The following GNL3L variants were observed in gnomAD, a reference collection of about 807,000 sequenced individuals.
GNL3L encodes the protein guanine nucleotide-binding protein-like 3-like protein.
GNL3L carries 4 observed loss-of-function variants against 42.9 expected under a neutral mutation model. The observed-to-expected ratio is 0.09, with a 90% CI of 0.05 to 0.21. The LOEUF (loss-of-function observed/expected upper bound fraction) is 0.21. Ranked by LOEUF, GNL3L falls within the 10% of genes least tolerant of loss-of-function variation. GNL3L has a pLI of 1.00. For missense variants in GNL3L, 412 were observed against 481.7 expected, an observed-to-expected ratio of 0.86 and a Z score of 1.36; for synonymous variants, 159 against 176.3, an observed-to-expected ratio of 0.90 and a Z score of 0.78.
At chrX:54,587,773 C>T (rs1273434518) in intron 16 of GNL3L, among the ~76,000 whole-genome samples, 4 of 109,552 alleles carry the variant, frequency 3.7e-5, no homozygotes, top group East Asian at 2.9e-4. Context: ...CTCTGCCTCT[C>T]GGGTTCAAGC....
Position 54,558,424 on chromosome X carries a change from G to A in GNL3L, c.1447-12G>A, listed in dbSNP as rs751143951. The A allele has an allele frequency of 7.0e-6, 8 of 1,142,815 alleles. No individual in the cohort carries two copies. The highest frequency in any genetic ancestry group is 2.5e-4 in the Middle Eastern group (1 of 4,018). The allele number at this position is 1,142,815 out of a possible 1,213,427, so 94.2% of individuals were successfully genotyped here. ...TTAAGACCTCATCGTTATGTTTTCT[G>A]TCTCTTCCTAGATTGGAGATCTCAC... On this transcript the variant is annotated splice_polypyrimidine_tract_variant and intron_variant, in intron 14 of 15. Transcript: ENST00000360845.
At chrX:54,638,646 A>G in the GNL3L span, among the ~76,000 whole-genome samples, 3 of 110,786 alleles carry the variant, frequency 2.7e-5, no homozygotes, top group Admixed American at 9.6e-5. Context: ...TTTAGTAGAG[A>G]CGGGGTTTCA....
At chrX:54,626,562 T>C in the GNL3L span, among the ~76,000 whole-genome samples, 1 of 112,017 alleles carries the variant, frequency 8.9e-6, no homozygotes, top group Non-Finnish European at 1.9e-5. Flanking sequence ...CTGAATCATA[T>C]GGTAGTTCTA....
At chrX:54,552,043 G>C in intron 12 of GNL3L, 69 bp downstream of exon 12, 1 of 1,107,203 alleles carries the variant, frequency 9.0e-7, no homozygotes, top group Non-Finnish European at 1.2e-6. Flanking sequence ...GCTCATCTGT[G>C]CTCATTGCCG....
In GNL3L at chrX:54,564,402, C is replaced by CTTTTTTTTTTTTTTTT. The variant is rs567172499; in HGVS notation, c.*3805_*3820dup. Reference sequence around the variant, plus strand: ...AGTCACTGGTTTTTTTCTTCGTTCTCTTTTTTTTTTTTTTTTTTTTGAGAC... The same window carrying CTTTTTTTTTTTTTTTT: ...AGTCACTGGTTTTTTTCTTCGTTCTCTTTTTTTTTTTTTTTTTTTTTTTTTTTTTTTTTTTTGAGAC... On this transcript the variant is annotated 3_prime_UTR_variant, in exon 16 of 16. Coordinates refer to ENST00000360845, the MANE Select transcript of GNL3L (RefSeq NM_001184819.2). 5.1e-4 allele frequency among the ~76,000 whole-genome samples: 41 copies of CTTTTTTTTTTTTTTTT among 80,789 alleles called. 1 individual carries two copies. Among genetic ancestry groups the CTTTTTTTTTTTTTTTT allele is most frequent in the African/African-American group, 1.9e-3 (39 of 20,074 alleles). The allele number at this position is 80,789 out of a possible 115,157, so 70.2% of individuals were successfully genotyped here.
rs192339653 is a variant in GNL3L at position 54,562,628 on chromosome X, A to G, written c.*2026A>G. Among the ~76,000 whole-genome samples, 1 of 110,782 alleles carries G rather than the reference A, an allele frequency of 9.0e-6. No individual in the cohort carries two copies. Among genetic ancestry groups the G allele is most frequent in the East Asian group, 2.8e-4 (1 of 3,526 alleles). On this transcript the variant is annotated 3_prime_UTR_variant, in exon 16 of 16. Coordinates refer to ENST00000360845, the MANE Select transcript of GNL3L (RefSeq NM_001184819.2). ...ATTCGTCTCCCCAAATGAAAAAAAA[A>G]AGTAATCTCAGAATGTTGGCCGAGC... is the stretch of plus-strand genomic sequence containing the variant.
At chrX:54,626,630 C>T in the GNL3L span, among the ~76,000 whole-genome samples, 1 of 111,712 alleles carries the variant, frequency 9.0e-6, no homozygotes, top group African/African-American at 3.3e-5. Flanking sequence ...AATTATACTT[C>T]CACCAACAGT....
chrX:54,587,806 G>A (rs1222290826), intron 16 of GNL3L, among the ~76,000 whole-genome samples: 1 of 109,386 alleles, frequency 9.1e-6, no homozygotes, highest in African/African-American at 3.3e-5. Flanking sequence ...TCACCCTCCC[G>A]AGTAGCTGGG....
At chrX:54,623,817 A>C (rs1926320111), downstream of GNL3L, among the ~76,000 whole-genome samples, 1 of 111,459 alleles carries the variant, frequency 9.0e-6, no homozygotes, top group Non-Finnish European at 1.9e-5. Context: ...TGTTCATTGC[A>C]GGTATATAGA....
intron 16 of GNL3L, among the ~76,000 whole-genome samples, chrX:54,607,138 T>TTTCTTTCTTTC (rs1426855903): frequency 3.5e-5 from 3 of 86,821 alleles, no homozygotes; most frequent in African/African-American, 1.5e-4. Context: ...TCTTTCTTTC[T>TTTCTTTCTTTC]TTGTCTCTCT....
At chrX:54,598,216 T>C (rs1330893337) in intron 16 of GNL3L, among the ~76,000 whole-genome samples, 1 of 111,629 alleles carries the variant, frequency 9.0e-6, no homozygotes, top group East Asian at 2.8e-4. Flanking sequence ...CTGTTTTCTT[T>C]TTCTCTGCCT....
chrX:54,572,930 C>A (rs1226963308), intron 16 of GNL3L, among the ~76,000 whole-genome samples: 1 of 107,575 alleles, frequency 9.3e-6, no homozygotes, highest in African/African-American at 3.4e-5. Context: ...AGAGGCGCTC[C>A]CCACATCCCA....
intron 16 of GNL3L, among the ~76,000 whole-genome samples, chrX:54,608,244 T>C (rs1012678827): frequency 1.8e-5 from 2 of 111,888 alleles, no homozygotes; most frequent in African/African-American, 3.2e-5. Context: ...CACATGGAGA[T>C]ACATGTCATT....
chrX:54,549,316 C>G lies in GNL3L; in HGVS notation c.775+943C>G, dbSNP rs142418292. ...AGAGATCCAGAGGAGGCACATCTAG[C>G]GAGACAGAACCACAGTCAAAATGCA... On this transcript the variant is annotated intron_variant, in intron 9 of 15. Transcript: ENST00000360845. 1.9e-4 allele frequency among the ~76,000 whole-genome samples: 21 copies of G among 111,259 alleles called. No individual in the cohort carries two copies. The East Asian group carries it at 5.1e-3, about 27-fold the overall frequency.
intron 16 of GNL3L, among the ~76,000 whole-genome samples, chrX:54,611,509 G>A (rs146199220): frequency 5.4e-5 from 6 of 111,241 alleles, no homozygotes; most frequent in South Asian, 3.8e-4. Flanking sequence ...TCCTCTTAGC[G>A]TTGCCTTTGC....
In GNL3L at chrX:54,586,384, A is replaced by AAGCAGCAGC. The variant is rs200842799; in HGVS notation, c.*45+25748_*45+25756dup. On this transcript the variant is annotated intron_variant, in intron 16 of 16. Coordinates refer to the GNL3L transcript ENST00000674498. ...GGGGTCCCAAAAGCCCCTGAGTCCTAAGCAGCAGCAGCAGCAGCACAGTAG... is the reference window on the plus strand; with the variant it reads ...GGGGTCCCAAAAGCCCCTGAGTCCTAAGCAGCAGCAGCAGCAGCAGCAGCAGCACAGTAG... 3.4e-4 allele frequency among the ~76,000 whole-genome samples: 37 copies of AAGCAGCAGC among 110,277 alleles called. 1 individual carries two copies. The highest frequency in any genetic ancestry group is 9.8e-5 in the Admixed American group (1 of 10,226).
intron 16 of GNL3L, among the ~76,000 whole-genome samples, chrX:54,602,155 C>T (rs896966609): frequency 6.3e-5 from 7 of 111,328 alleles, no homozygotes; most frequent in Admixed American, 3.8e-4. Context: ...TAAGGAACTG[C>T]CAAACTGTGT....
At chrX:54,601,197 G>A (rs767542101) in intron 16 of GNL3L, among the ~76,000 whole-genome samples, 12 of 109,898 alleles carry the variant, frequency 1.1e-4, no homozygotes, top group Non-Finnish European at 2.1e-4. Context: ...ACTGGGGGGT[G>A]AGTTGGGGGC....
chrX:54,615,175 G>A (rs951569087), intron 16 of GNL3L, among the ~76,000 whole-genome samples: 2 of 112,121 alleles, frequency 1.8e-5, no homozygotes. Flanking sequence ...TTAAATATGT[G>A]ACCTTTTGTG....
Sources: gnomAD v4.1 joint callset for allele counts (sites outside exome capture counted in the v4.1 genomes callset) on GRCh38, gnomAD v4.1.1 for gene constraint, MANE v1.5 for transcripts, NCBI Gene and HGNC (gene_info 2026-07-23, HGNC 2026-07-21) for gene names.